The following CCDC83 variants were observed in gnomAD, a reference collection of about 807,000 sequenced individuals.
CCDC83 encodes coiled-coil domain-containing protein 83.
A neutral mutation model predicts 50.1 loss-of-function variants in CCDC83; 54 were observed. That is an observed-to-expected ratio of 1.08 (90% confidence interval 0.87 to 1.35). The LOEUF (loss-of-function observed/expected upper bound fraction) is 1.35. Ranked by LOEUF, CCDC83 falls within the 40% of genes most tolerant of loss-of-function variation. The pLI is 0.00. For synonymous variants in CCDC83, 161 were observed against 153.3 expected (o/e 1.05, Z -0.37); for missense variants, 518 against 473.9 (o/e 1.09, Z -0.86).
intron 1 of CCDC83, among the ~76,000 whole-genome samples, chr11:85,860,661 A>G (rs1373001822): frequency 3.3e-5 from 5 of 152,254 alleles, no homozygotes; most frequent in African/African-American, 1.2e-4. Flanking sequence ...AAAATAAATC[A>G]TTCTGTGAAA....
chr11:85,894,983 T>C (rs1467556026), intron 5 of CCDC83, among the ~76,000 whole-genome samples: 1 of 152,190 alleles, frequency 6.6e-6, no homozygotes, highest in Non-Finnish European at 1.5e-5. Flanking sequence ...TTCATTTCTG[T>C]CTGTATTTCT....
Position 85,898,979 on chromosome 11 carries a change from T to A in CCDC83, c.636T>A (p.Tyr212Ter). The change falls in exon 7 of 11, where the codon TAT (tyrosine) becomes TAA (stop). Residue 212 changes from tyrosine to a stop codon, truncating the protein, a stop_gained. Transcript: ENST00000342404. LOFTEE classifies it high-confidence loss of function. ...NAVKLIDKGS[Y>*]LEIWENDWLK... ...TAAAGCTCATTGACAAGGGCAGTTA[T>A]CTAGAGATCTGGGAGAATGACTGGC... The A allele has an allele frequency of 3.1e-6, 5 of 1,612,718 alleles. No homozygotes were observed. The highest frequency in any genetic ancestry group is 4.2e-6 in the Non-Finnish European group (5 of 1,179,138).
At chr11:85,887,979 T>A (rs2093335028) in intron 5 of CCDC83, among the ~76,000 whole-genome samples, 1 of 152,122 alleles carries the variant, frequency 6.6e-6, no homozygotes, top group African/African-American at 2.4e-5. Context: ...ATTTTATTTA[T>A]TTTTTGTAGA....
chr11:85,907,020 T>A (rs2093429084), intron 7 of CCDC83, among the ~76,000 whole-genome samples: 1 of 152,164 alleles, frequency 6.6e-6, no homozygotes, highest in Non-Finnish European at 1.5e-5. Flanking sequence ...GCAAAAGTAA[T>A]TAAAACTATT....
intron 1 of CCDC83, among the ~76,000 whole-genome samples, chr11:85,862,020 AAGAG>A (rs58807049): frequency 2.1e-5 from 3 of 145,340 alleles, no homozygotes; most frequent in African/African-American, 7.8e-5. Flanking sequence ...AAAAAAAAAA[AAGAG>A]AGTCATTTAT....
At chr11:85,912,019 G>A (rs903364162) in intron 8 of CCDC83, among the ~76,000 whole-genome samples, 1 of 151,892 alleles carries the variant, frequency 6.6e-6, no homozygotes, top group African/African-American at 2.4e-5. Context: ...TAGGGCCCTT[G>A]AATATAAAAT....
intron 8 of CCDC83, among the ~76,000 whole-genome samples, chr11:85,913,421 G>A (rs1047927344): frequency 6.6e-6 from 1 of 152,178 alleles, no homozygotes; most frequent in African/African-American, 2.4e-5. Context: ...GACTTCTTAT[G>A]CAGAAAGATA....
rs566664217 is a variant in CCDC83 at position 85,908,425 on chromosome 11, C to T, written c.673-2856C>T. 9.6e-4 allele frequency among the ~76,000 whole-genome samples: 146 copies of T among 152,080 alleles called. 1 individual carries two copies. The highest frequency in any genetic ancestry group is 3.4e-3 in the Middle Eastern group (1 of 292). ...AAAAATAGCTGGGCATGGTGGCGGG[C>T]GCCCGTGGAAGGCACCCGTGGAGGC... On this transcript the variant is annotated intron_variant, in intron 7 of 10. Transcript: ENST00000342404.
At chr11:85,875,005 C>A (rs1002336077) in intron 3 of CCDC83, among the ~76,000 whole-genome samples, 1 of 152,042 alleles carries the variant, frequency 6.6e-6, no homozygotes, top group Non-Finnish European at 1.5e-5. Flanking sequence ...TGCAGACATG[C>A]GAAGAGTGAG....
At chr11:85,879,984 C>T (rs1262969000) in intron 3 of CCDC83, among the ~76,000 whole-genome samples, 2 of 152,150 alleles carry the variant, frequency 1.3e-5, no homozygotes, top group Non-Finnish European at 2.9e-5. Flanking sequence ...TCTGTCTATA[C>T]CACATAGTCT....
At chr11:85,896,433 A>G (rs2093376331) in intron 6 of CCDC83, among the ~76,000 whole-genome samples, 1 of 151,434 alleles carries the variant, frequency 6.6e-6, no homozygotes, top group South Asian at 2.1e-4. Flanking sequence ...AAAAACCAAA[A>G]AACTGAAATT....
chr11:85,912,599 T>C (rs1250856783), intron 8 of CCDC83: 1 of 1,088,866 alleles, frequency 9.2e-7, no homozygotes, highest in Non-Finnish European at 1.4e-6. Context: ...GTGCTCACTG[T>C]TGCCCAGTAG....
chr11:85,917,165 AG>A (rs1179443176), intron 10 of CCDC83, among the ~76,000 whole-genome samples: 14,502 of 103,428 alleles, frequency 0.14, 955 homozygotes, highest in Admixed American at 0.19. Flanking sequence ...AGAGAGAGAG[AG>A]AGAAAGAAAG....
intron 3 of CCDC83, among the ~76,000 whole-genome samples, chr11:85,877,958 C>CA (rs1469000908): frequency 2.6e-5 from 4 of 152,046 alleles, no homozygotes; most frequent in Non-Finnish European, 5.9e-5. Flanking sequence ...TTTAAAATAA[C>CA]ATGTCAAACT....
chr11:85,915,522 T>G, intron 9 of CCDC83, 24 bp downstream of exon 9: 1 of 1,528,302 alleles, frequency 6.5e-7, no homozygotes. Flanking sequence ...GCAATAATGA[T>G]GATGATTTTT....
At chr11:85,884,910 T>G (rs537709512) in intron 4 of CCDC83, among the ~76,000 whole-genome samples, 116 of 152,256 alleles carry the variant, frequency 7.6e-4, no homozygotes, top group African/African-American at 2.7e-3. Context: ...GTTAAGAGAT[T>G]TTAAATATAG....
chr11:85,897,882 C>T (rs951259518), intron 6 of CCDC83, among the ~76,000 whole-genome samples: 5 of 152,218 alleles, frequency 3.3e-5, no homozygotes, highest in East Asian at 3.9e-4. Context: ...TAGGGCTGGG[C>T]GCGGTGGCTC....
In CCDC83 at chr11:85,917,134, AAGAG is replaced by A. The variant is rs201907138; in HGVS notation, c.1080+933_1080+936del. 6.3e-3 allele frequency among the ~76,000 whole-genome samples: 494 copies of A among 77,900 alleles called. 4 individuals are homozygous for A. The highest frequency in any genetic ancestry group is 0.018 in the East Asian group (59 of 3,322). The allele number at this position is 77,900 out of a possible 152,430, so 51.1% of individuals were successfully genotyped here. On this transcript the variant is annotated intron_variant, in intron 10 of 10. Coordinates refer to ENST00000342404, the MANE Select transcript of CCDC83 (RefSeq NM_001286159.2). ...AAGAAAGAAAGAAAAAAGAAAAAGA[AAGAG>A]AGAGAGAGAGAGAGAGAGAGAGAGA...
chr11:85,882,436 A>G, intron 3 of CCDC83, 77 bp from the exon 4 acceptor site: 2 of 1,425,646 alleles, frequency 1.4e-6, no homozygotes, highest in South Asian at 2.7e-5. Flanking sequence ...AAAGGCCGGG[A>G]ACTTCTTGAC....
Sources: allele counts gnomAD v4.1 joint callset (sites outside exome capture counted in the v4.1 genomes callset), GRCh38; gene constraint gnomAD v4.1.1; transcripts MANE v1.5; gene names NCBI Gene and HGNC (gene_info 2026-07-23, HGNC 2026-07-21).